CDC42BPB: variants seen among roughly 807,000 people sequenced by gnomAD.
CDC42BPB encodes the protein serine/threonine-protein kinase MRCK beta.
In CDC42BPB, 37 loss-of-function variants were observed where a neutral mutation model predicts 214.9. The ratio of observed to expected loss-of-function variants is 0.17; its 90% CI spans 0.13 to 0.23. The LOEUF (loss-of-function observed/expected upper bound fraction) is 0.23. Ranked by LOEUF, CDC42BPB falls within the 10% of genes least tolerant of loss-of-function variation. CDC42BPB has a pLI of 1.00. For missense variants in CDC42BPB, 1,694 were observed against 2,227.0 expected, an observed-to-expected ratio of 0.76 and a Z score of 4.82; for synonymous variants, 931 against 884.0, an observed-to-expected ratio of 1.05 and a Z score of -0.94.
At chr14:103,045,992 C>T (rs929045847) in intron 1 of CDC42BPB, among the ~76,000 whole-genome samples, 2 of 152,134 alleles carry the variant, frequency 1.3e-5, no homozygotes, top group Admixed American at 6.6e-5. Context: ...AGCAAATGGA[C>T]GAGTGGTATC....
chr14:103,025,794 G>A (rs565579582), intron 1 of CDC42BPB, among the ~76,000 whole-genome samples: 36 of 148,760 alleles, frequency 2.4e-4, no homozygotes, highest in East Asian at 9.9e-4. Context: ...GTGACAGAGC[G>A]AGACTCTGTC....
chr14:102,957,271 T>C (rs1425020185), intron 21 of CDC42BPB, among the ~76,000 whole-genome samples: 1 of 149,644 alleles, frequency 6.7e-6, no homozygotes, highest in Non-Finnish European at 1.5e-5. Flanking sequence ...CTGTAGAGAA[T>C]GAGGCATGAA....
intron 1 of CDC42BPB, among the ~76,000 whole-genome samples, chr14:103,043,592 G>T (rs971170633): frequency 1.3e-5 from 2 of 151,718 alleles, no homozygotes; most frequent in Admixed American, 6.6e-5. Context: ...TGCATGACTC[G>T]ACGAATATAC....
rs929948753 is a variant in CDC42BPB, at chr14:103,020,070, C to G, written c.176-7882G>C. On this transcript the variant is annotated intron_variant, in intron 1 of 36. Transcript: ENST00000361246. ...AGAGCTGAAGCCTGAGGCAGGCGGGCAGGAAGTCCTGCTTTCCCCTGTCCG... is the reference window on the plus strand; with the variant it reads ...AGAGCTGAAGCCTGAGGCAGGCGGGGAGGAAGTCCTGCTTTCCCCTGTCCG... 7.9e-5 allele frequency among the ~76,000 whole-genome samples: 12 copies of G among 152,336 alleles called. No individual in the cohort carries two copies. The Middle Eastern group carries it at 0.014, about 173-fold the overall frequency.
chr14:103,016,695 C>T (rs927556614), intron 1 of CDC42BPB, among the ~76,000 whole-genome samples: 2 of 152,116 alleles, frequency 1.3e-5, no homozygotes, highest in Admixed American at 6.6e-5. Context: ...GAGAATAAAC[C>T]GTACAACACT....
rs139774893 is a variant in CDC42BPB at position 102,947,766 on chromosome 14, T to C, written c.3486A>G (p.Ser1162=). Residue 1162 remains serine (S), a synonymous_variant, in exon 27 of 37, where the codon TCA becomes TCG. Coordinates refer to ENST00000361246, the MANE Select transcript of CDC42BPB (RefSeq NM_006035.4). ...DEFSVSSVLA[S]DVIHATRRDI... ...CTCGGCGTGTAGCATGAATGACATC[T>C]GAGGCCAGGACTGAGCTCACGGAAA... 1.2e-6 allele frequency: 2 copies of C among 1,612,590 alleles called. No homozygotes were observed. The highest frequency in any genetic ancestry group is 1.3e-5 in the African/African-American group (1 of 75,012).
intron 6 of CDC42BPB, among the ~76,000 whole-genome samples, chr14:102,984,077 A>G (rs1894127761): frequency 6.6e-6 from 1 of 152,226 alleles, no homozygotes; most frequent in Non-Finnish European, 1.5e-5. Flanking sequence ...ATTCAATGCA[A>G]ATAAATATCC....
rs1426037843 is a variant in CDC42BPB, at chr14:102,944,880, G to A, written c.3812-393C>T. 6.6e-6 allele frequency among the ~76,000 whole-genome samples: 1 copy of A among 152,148 alleles called. No individual in the cohort carries two copies. On this transcript the variant is annotated intron_variant, in intron 29 of 36. Coordinates refer to ENST00000361246, the MANE Select transcript of CDC42BPB (RefSeq NM_006035.4). The surrounding 1 kb of genome is among the most constrained non-coding windows in gnomAD (Gnocchi z 6.6). ...CATCCCCGAACCAGAGGGCCCTCAC[G>A]CTGCACATGAGGGACAAAGAGCTGT...
chr14:103,016,888 C>G (rs1886496059), intron 1 of CDC42BPB, among the ~76,000 whole-genome samples: 1 of 152,132 alleles, frequency 6.6e-6, no homozygotes, highest in South Asian at 2.1e-4. Flanking sequence ...TCTCTAAAGA[C>G]CATTCTCCAA....
Position 103,052,346 on chromosome 14 carries a change from A to T in CDC42BPB, c.175+4653T>A, listed in dbSNP as rs551236445. Among the ~76,000 whole-genome samples, 14 of 152,358 alleles carry T rather than the reference A, an allele frequency of 9.2e-5. 1 individual carries two copies. In the East Asian group the frequency reaches 2.7e-3, roughly 29 times the overall value. On this transcript the variant is annotated intron_variant, in intron 1 of 36. Coordinates refer to ENST00000361246, the MANE Select transcript of CDC42BPB (RefSeq NM_006035.4). ...ATTTCTTAAGTCTGTTATTTTTAAAAAGTGTTCCCATGTTATGCAAATATT... is the reference window on the plus strand; with the variant it reads ...ATTTCTTAAGTCTGTTATTTTTAAATAGTGTTCCCATGTTATGCAAATATT...
Position 102,992,516 on chromosome 14 carries a change from G to T in CDC42BPB, c.597-5936C>A, listed in dbSNP as rs1220029477. Among the ~76,000 whole-genome samples, 11 of 152,168 alleles carry T rather than the reference G, an allele frequency of 7.2e-5. 1 individual carries two copies. Among genetic ancestry groups the T allele is most frequent in the Non-Finnish European group, 1.6e-4 (11 of 68,040 alleles). On this transcript the variant is annotated intron_variant, in intron 5 of 36. Coordinates refer to ENST00000361246, the MANE Select transcript of CDC42BPB (RefSeq NM_006035.4). ...AGGCAGCTGAGGAGCAGTGACTGCT[G>T]CCGCCTCCCAGCCTGCGCTGACAGC...
At chr14:103,025,337 T>A (rs1886991530) in intron 1 of CDC42BPB, among the ~76,000 whole-genome samples, 1 of 151,810 alleles carries the variant, frequency 6.6e-6, no homozygotes, top group African/African-American at 2.4e-5. Context: ...AGAAATTCCC[T>A]CCCAGGTAAA....
chr14:103,057,160 A>G lies in CDC42BPB; in HGVS notation c.14T>C (p.Val5Ala). Residue 5 changes from valine to alanine, a missense_variant, in exon 1 of 37, where the codon GTG (valine) becomes GCG (alanine). Around this residue, in one of 7 missense-constraint regions of CDC42BPB, gnomAD observed 83 missense variants for 79.9 expected, o/e 1.04. Transcript: ENST00000361246. MSAK[V>A]RLKKLEQLLL... ...CAGCTGCTCCAGCTTCTTGAGCCGC[A>G]CCTTGGCCGACATGGTGCCGCGCGG... 6.8e-7 allele frequency: 1 copy of G among 1,472,900 alleles called. No homozygotes were observed. The highest frequency in any genetic ancestry group is 9.0e-7 in the Non-Finnish European group (1 of 1,115,658). The allele number at this position is 1,472,900 out of a possible 1,614,324, so 91.2% of individuals were successfully genotyped here. A position where few individuals can be genotyped will look rare whatever the true frequency, so the allele number is the denominator to read the frequency against.
intron 1 of CDC42BPB, among the ~76,000 whole-genome samples, chr14:103,042,304 C>T (rs900101011): frequency 2.0e-5 from 3 of 151,676 alleles, no homozygotes; most frequent in Admixed American, 2.0e-4. Context: ...TCAACAAAAA[C>T]ACAACCCAAT....
At chr14:103,048,133 C>G (rs976110324) in intron 1 of CDC42BPB, among the ~76,000 whole-genome samples, 8 of 152,274 alleles carry the variant, frequency 5.3e-5, no homozygotes, top group African/African-American at 1.9e-4. Context: ...CAGGCTGAAA[C>G]AGAAAAGTGG....
At chr14:103,031,170 A>G (rs1489885925) in intron 1 of CDC42BPB, among the ~76,000 whole-genome samples, 1 of 151,928 alleles carries the variant, frequency 6.6e-6, no homozygotes, top group Non-Finnish European at 1.5e-5. Flanking sequence ...AAAGTACATG[A>G]CCCAGACACC....
intron 1 of CDC42BPB, among the ~76,000 whole-genome samples, chr14:103,013,088 C>T (rs143213577): frequency 6.6e-6 from 1 of 152,344 alleles, no homozygotes; most frequent in Admixed American, 6.5e-5. Flanking sequence ...AACATCATCA[C>T]ACAAAAGTCT....
intron 12 of CDC42BPB, 129 bp downstream of exon 12, chr14:102,973,887 G>A (rs974514200): frequency 3.4e-5 from 41 of 1,189,850 alleles, no homozygotes; most frequent in Non-Finnish European, 4.0e-5. Context: ...TGGCCCTGGC[G>A]TCCTGCATGC....
At chr14:102,945,861 C>A (rs758911268) in intron 28 of CDC42BPB, 137 bp from the exon 29 acceptor site, 1 of 714,434 alleles carries the variant, frequency 1.4e-6, no homozygotes, top group Non-Finnish European at 2.5e-6. Context: ...AGGGATGTGA[C>A]ACTTCAGTAT....
Sources: gnomAD v4.1 joint callset for allele counts (sites outside exome capture counted in the v4.1 genomes callset) on GRCh38, gnomAD v4.1.1 for gene constraint, gnomAD v4.1.1 regional missense constraint, Gnocchi (gnomAD v3.1) non-coding constraint, MANE v1.5 for transcripts, NCBI Gene and HGNC (gene_info 2026-07-23, HGNC 2026-07-21) for gene names.